The following CEP192 variants were observed in gnomAD, a reference collection of about 807,000 sequenced individuals.
CEP192 encodes centrosomal protein 192.
Under a neutral mutation model 271.8 loss-of-function variants are expected in CEP192, and 151 were observed. That is an observed-to-expected ratio of 0.56 (90% CI 0.49 to 0.64). The LOEUF is 0.64. Among genes scored for constraint, CEP192 ranks in the 30% least tolerant of loss-of-function variants. CEP192 has a pLI of 0.00. For synonymous variants in CEP192, 995 were observed against 1,076.5 expected (o/e 0.92, Z 1.48); for missense variants, 2,910 against 3,020.5 (o/e 0.96, Z 0.86).
Position 13,070,750 on chromosome 18 carries a change from C to T in CEP192, c.5175-289C>T, listed in dbSNP as rs530057865. Among the ~76,000 whole-genome samples the T allele has an allele frequency of 5.9e-5, 9 of 152,314 alleles. No homozygotes were observed. In the East Asian group the frequency reaches 9.6e-4, roughly 16 times the overall value. On this transcript the variant is annotated intron_variant, in intron 27 of 44. Coordinates refer to ENST00000506447, the MANE Select transcript of CEP192 (RefSeq NM_032142.4). ...TGAATGCCTCTGCCTGGAATGCTAG[C>T]CCTCAACCTCCCTGGGCTGGCGCCT... is the stretch of plus-strand genomic sequence containing the variant.
intron 20 of CEP192, chr18:13,058,778 G>C (rs572875068): frequency 2.8e-6 from 1 of 362,592 alleles, no homozygotes; most frequent in South Asian, 2.6e-5. Context: ...AGACTTACAG[G>C]GCTGTGAAAG....
At chr18:13,122,438 G>A (rs959482728) in intron 44 of CEP192, among the ~76,000 whole-genome samples, 2 of 152,080 alleles carry the variant, frequency 1.3e-5, no homozygotes, top group Non-Finnish European at 2.9e-5. Flanking sequence ...CAAAGTAGCC[G>A]GGCCTGGTGG....
intron 15 of CEP192, among the ~76,000 whole-genome samples, chr18:13,046,470 C>T (rs2036487225): frequency 6.6e-6 from 1 of 152,086 alleles, no homozygotes; most frequent in Non-Finnish European, 1.5e-5. Context: ...TTCACCTAGA[C>T]TTTGTTCTTT....
intron 40 of CEP192, among the ~76,000 whole-genome samples, chr18:13,106,892 CT>C: frequency 1.3e-5 from 2 of 152,322 alleles, no homozygotes; most frequent in South Asian, 4.1e-4. Flanking sequence ...TTAAAAACAG[CT>C]TATTATAAAA....
chr18:13,068,383 G>A lies in CEP192; in HGVS notation c.4783G>A (p.Val1595Ile). 1 of 1,612,700 alleles carries A rather than the reference G, an allele frequency of 6.2e-7. No homozygotes were observed. Among genetic ancestry groups the A allele is most frequent in the Non-Finnish European group, 8.5e-7 (1 of 1,179,314 alleles). Reference protein sequence around the residue: ...GQDPEFLMIWVLFHSPKKQIS... With the variant: ...GQDPEFLMIWILFHSPKKQIS... ...GGATCCAGAATTTCTGATGATTTGG[G>A]TTCTTTTCCATAGTCCAAAGAAACA... Residue 1595 changes from valine (V) to isoleucine (I), a missense_variant, in exon 24 of 45, where the codon GTT (valine) becomes ATT (isoleucine). Coordinates refer to ENST00000506447, the MANE Select transcript of CEP192 (RefSeq NM_032142.4).
chr18:13,013,060 G>A, intron 5 of CEP192, 35 bp downstream of exon 5: 1 of 1,056,316 alleles, frequency 9.5e-7, no homozygotes, highest in Non-Finnish European at 1.4e-6. Flanking sequence ...ATTTTCTGGA[G>A]TACTATAGGG....
intron 21 of CEP192, among the ~76,000 whole-genome samples, chr18:13,064,536 C>T (rs1364693006): frequency 4.0e-5 from 6 of 149,068 alleles, no homozygotes; most frequent in African/African-American, 9.9e-5. Context: ...GACGTGAACC[C>T]GGGAGGCGGA....
rs748937627 is a variant in CEP192 at position 13,099,519 on chromosome 18, A to T, written c.6601A>T (p.Thr2201Ser). The change falls in exon 37 of 45, where the codon ACA becomes TCA. Residue 2201 changes from threonine to serine, a missense_variant. Physicochemically the swap from Thr to Ser is moderately conservative, Grantham distance 58. Transcript: ENST00000506447. ...TGTGAGTCCTAATTCCTCCTTATCC[A>T]CAAAACAGTCAATGTTCCCGTGGAG... is the stretch of plus-strand genomic sequence containing the variant. ...ILVSPNSSLS[T>S]KQSMFPWSGL... 1 of 1,603,846 alleles carries T rather than the reference A, an allele frequency of 6.2e-7. No homozygotes were observed. The highest frequency in any genetic ancestry group is 8.5e-7 in the Non-Finnish European group (1 of 1,175,392).
At chr18:13,087,816 G>A (rs527839) in intron 32 of CEP192, among the ~76,000 whole-genome samples, 170 bp downstream of exon 32, 105,517 of 152,048 alleles carry the variant, frequency 0.69, 37,453 homozygotes, top group African/African-American at 0.84. Flanking sequence ...ATGTGAGGAA[G>A]AAATACCCGT....
At position 13,056,352 on chromosome 18, in the gene CEP192, C is replaced by T. The variant is rs1263716572; in HGVS notation, c.3762C>T (p.Pro1254=). ...PAAVHALLTQ[P]SLSAAPFAQR... ...CTGTGCACGCACTCTTGACACAACCCTCTCTCAGCGCTGCTCCTTTTGCTC... is the reference window on the plus strand; with the variant it reads ...CTGTGCACGCACTCTTGACACAACCTTCTCTCAGCGCTGCTCCTTTTGCTC... The change falls in exon 19 of 45, where the codon CCC becomes CCT. Residue 1254 remains proline, a synonymous_variant. Coordinates refer to ENST00000506447, the MANE Select transcript of CEP192 (RefSeq NM_032142.4). 3 of 1,614,088 alleles carry T rather than the reference C, an allele frequency of 1.9e-6. No individual in the cohort carries two copies. Among genetic ancestry groups the T allele is most frequent in the East Asian group, 2.2e-5 (1 of 44,900 alleles).
At chr18:13,005,136 C>G (rs553942321) in intron 3 of CEP192, among the ~76,000 whole-genome samples, 6 of 152,228 alleles carry the variant, frequency 3.9e-5, no homozygotes, top group Admixed American at 2.6e-4. Flanking sequence ...ATCTCCACAC[C>G]AGGTGATGAT....
At chr18:13,111,291 A>AT (rs1293877387) in intron 40 of CEP192, among the ~76,000 whole-genome samples, 1 of 151,984 alleles carries the variant, frequency 6.6e-6, no homozygotes, top group Non-Finnish European at 1.5e-5. Flanking sequence ...CGCCTGGCTA[A>AT]TTTTTTGTAT....
At chr18:13,023,274 T>C (rs887789484) in intron 9 of CEP192, among the ~76,000 whole-genome samples, 2 of 152,210 alleles carry the variant, frequency 1.3e-5, no homozygotes, top group African/African-American at 2.4e-5. Flanking sequence ...CTAGGACTTA[T>C]AGTATGATGT....
intron 15 of CEP192, among the ~76,000 whole-genome samples, 168 bp downstream of exon 15, chr18:13,042,502 C>A (rs927798863): frequency 6.6e-6 from 1 of 151,862 alleles, no homozygotes; most frequent in African/African-American, 2.4e-5. Flanking sequence ...GTTTTTGTGG[C>A]GATATAATAT....
chr18:13,042,070 G>C, intron 14 of CEP192, 134 bp from the exon 15 acceptor site: 1 of 656,840 alleles, frequency 1.5e-6, no homozygotes, highest in East Asian at 2.8e-5. Flanking sequence ...AACCATTATA[G>C]TGAAGGCAAC....
At chr18:13,063,921 A>G (rs1177143304) in intron 21 of CEP192, among the ~76,000 whole-genome samples, 1 of 151,368 alleles carries the variant, frequency 6.6e-6, no homozygotes, top group Non-Finnish European at 1.5e-5. Flanking sequence ...CCCGGGTTCA[A>G]GCTGTTCTCC....
intron 40 of CEP192, among the ~76,000 whole-genome samples, chr18:13,109,485 C>T (rs528619247): frequency 6.6e-6 from 1 of 152,154 alleles, no homozygotes; most frequent in East Asian, 1.9e-4. Context: ...GAGCATCGTG[C>T]AGTATACCCA....
intron 9 of CEP192, among the ~76,000 whole-genome samples, chr18:13,021,559 ATTC>A (rs2034997434): frequency 6.6e-6 from 1 of 152,108 alleles, no homozygotes; most frequent in African/African-American, 2.4e-5. Flanking sequence ...CTTCAACTTA[ATTC>A]TTCTTTTTCA....
intron 3 of CEP192, among the ~76,000 whole-genome samples, chr18:13,006,378 G>A (rs527746737): frequency 2.0e-5 from 3 of 152,034 alleles, no homozygotes; most frequent in East Asian, 1.9e-4. Flanking sequence ...TCAACCAAAC[G>A]TGGATGGAAA....
Sources: allele counts gnomAD v4.1 joint callset (sites outside exome capture counted in the v4.1 genomes callset), GRCh38; gene constraint gnomAD v4.1.1; transcripts MANE v1.5; gene names NCBI Gene and HGNC (gene_info 2026-07-23, HGNC 2026-07-21).